CDHR1: variants seen among roughly 807,000 people sequenced by gnomAD.
The protein encoded by CDHR1 is cadherin-related family member 1.
A neutral mutation model predicts 72.1 loss-of-function variants in CDHR1; 61 were observed. The ratio of observed to expected loss-of-function variants is 0.85; its 90% confidence interval spans 0.69 to 1.05. The LOEUF (loss-of-function observed/expected upper bound fraction) is 1.05, where lower values mean the gene tolerates loss of function less well. Ranked by LOEUF, CDHR1 falls within the 50% of genes least tolerant of loss-of-function variation. CDHR1 has a pLI of 0.00. For synonymous variants in CDHR1, 470 were observed against 448.1 expected (o/e 1.05, Z -0.62); for missense variants, 1,186 against 1,115.7 (o/e 1.06, Z -0.90).
chr10:84,194,846 T>C (rs1202371963), intron 1 of CDHR1, 31 bp downstream of exon 1: 6 of 1,531,418 alleles, frequency 3.9e-6, no homozygotes, highest in Non-Finnish European at 5.2e-6. Flanking sequence ...GCTGGCCGCG[T>C]GGATGGCGAG....
At position 84,215,499 on chromosome 10, in the gene CDHR1, C is replaced by G. The variant is rs758809572; in HGVS notation, c.*878C>G. 3.9e-5 allele frequency: 38 copies of G among 966,350 alleles called. No homozygotes were observed. In the African/African-American group the frequency reaches 5.3e-4, roughly 13 times the overall value. The allele number at this position is 966,350 out of a possible 1,614,324, so 59.9% of individuals were successfully genotyped here. Reference sequence around the variant, plus strand: ...CAGGGCTGAGATGTGGTGAGACTTCCGTTTTTATCCAGCTCTTTTGCTCAC... The same window carrying G: ...CAGGGCTGAGATGTGGTGAGACTTCGGTTTTTATCCAGCTCTTTTGCTCAC... On this transcript the variant is annotated 3_prime_UTR_variant, in exon 17 of 17. Coordinates refer to ENST00000623527, the MANE Select transcript of CDHR1 (RefSeq NM_033100.4).
Position 84,204,522 on chromosome 10 carries a change from C to T in CDHR1, c.784-5C>T, listed in dbSNP as rs375409928. 2.5e-5 allele frequency: 40 copies of T among 1,609,944 alleles called. No homozygotes were observed. The African/African-American group carries it at 3.3e-4, about 13-fold the overall frequency. The stretch of plus-strand genomic sequence containing the variant: ...TCAGGCAGCGGCTGTTCCTGTTTCC[C>T]CGAGGGCTCGGAGGTACTGAAGGTG... On this transcript the variant is annotated splice_polypyrimidine_tract_variant and splice_region_variant and intron_variant, in intron 8 of 16. Coordinates refer to ENST00000623527, the MANE Select transcript of CDHR1 (RefSeq NM_033100.4).
rs968724888 is a variant in CDHR1 at position 84,197,892 on chromosome 10, G to C, written c.348+56G>C. ...GCCTGCAGTATTTGGGCCTGAGAAG[G>C]GTGAGGCTGGCACGATTCCTCCCCA... On this transcript the variant is annotated intron_variant, in intron 4 of 16. Coordinates refer to ENST00000623527, the MANE Select transcript of CDHR1 (RefSeq NM_033100.4). 9.2e-6 allele frequency: 14 copies of C among 1,525,256 alleles called. No individual in the cohort carries two copies. In the African/African-American group the frequency reaches 1.8e-4, roughly 19 times the overall value. The allele number at this position is 1,525,256 out of a possible 1,614,324, so 94.5% of individuals were successfully genotyped here. A position where few individuals can be genotyped will look rare whatever the true frequency, so the allele number is the denominator to read the frequency against.
At chr10:84,199,445 T>C (rs1260586442) in intron 5 of CDHR1, among the ~76,000 whole-genome samples, 1 of 152,254 alleles carries the variant, frequency 6.6e-6, no homozygotes, top group Non-Finnish European at 1.5e-5. Context: ...GAGTTTTGTT[T>C]TGTTTTTTTC....
Position 84,211,137 on chromosome 10 carries a change from C to A in CDHR1, c.1457C>A (p.Pro486Gln). Residue 486 changes from proline (P) to glutamine (Q), a missense_variant, in exon 13 of 17, where the codon CCA (proline) becomes CAA (glutamine). Coordinates refer to ENST00000623527, the MANE Select transcript of CDHR1 (RefSeq NM_033100.4). Reference sequence around the variant, plus strand: ...GTTGCCAGGATTCCTGAGAACGCCCCAGGGGGCTCCAGCGTGGTGGCTGTC... The same window carrying A: ...GTTGCCAGGATTCCTGAGAACGCCCAAGGGGGCTCCAGCGTGGTGGCTGTC... ...YYVARIPENA[P>Q]GGSSVVAVTA... 6.2e-7 allele frequency: 1 copy of A among 1,614,226 alleles called. No homozygotes were observed. Among genetic ancestry groups the A allele is most frequent in the Non-Finnish European group, 8.5e-7 (1 of 1,180,044 alleles).
intron 2 of CDHR1, 142 bp downstream of exon 2, chr10:84,195,731 T>C: frequency 1.3e-6 from 1 of 747,750 alleles, no homozygotes; most frequent in East Asian, 2.7e-5. Context: ...CCCTGGGCAA[T>C]GGCAGGAAAG....
intron 10 of CDHR1, among the ~76,000 whole-genome samples, chr10:84,206,974 G>T (rs987485957): frequency 6.6e-6 from 1 of 152,166 alleles, no homozygotes; most frequent in African/African-American, 2.4e-5. Context: ...TGAGGGAAAG[G>T]GATGGGAGAG....
chr10:84,194,755 G>T lies in CDHR1; in HGVS notation c.-6G>T. On this transcript the variant is annotated 5_prime_UTR_variant, in exon 1 of 17. Transcript: ENST00000623527. ...GCGGCAGGCGACACTCCGCGCCGGCGGAGACATGAGGCGCTGCCGGTGGGC... is the reference window on the plus strand; with the variant it reads ...GCGGCAGGCGACACTCCGCGCCGGCTGAGACATGAGGCGCTGCCGGTGGGC... 1 of 1,504,618 alleles carries T rather than the reference G, an allele frequency of 6.6e-7. No homozygotes were observed. Among genetic ancestry groups the T allele is most frequent in the South Asian group, 1.2e-5 (1 of 81,004 alleles). The allele number at this position is 1,504,618 out of a possible 1,614,324, so 93.2% of individuals were successfully genotyped here.
Position 84,208,841 on chromosome 10 carries a change from C to T in CDHR1, c.1280C>T (p.Ala427Val), listed in dbSNP as rs1275288486. ...GTCACAATCATTGTGGAGAACTCAGCTGCCATTGACTTTGAAAAGTCCAAA... is the reference window on the plus strand; with the variant it reads ...GTCACAATCATTGTGGAGAACTCAGTTGCCATTGACTTTGAAAAGTCCAAA... ...AQVTIIVENS[A>V]AIDFEKSKVL... Residue 427 changes from alanine to valine, a missense_variant, in exon 12 of 17, where the codon GCT becomes GTT. Coordinates refer to ENST00000623527, the MANE Select transcript of CDHR1 (RefSeq NM_033100.4). 1 of 1,614,052 alleles carries T rather than the reference C, an allele frequency of 6.2e-7. No individual in the cohort carries two copies. Among genetic ancestry groups the T allele is most frequent in the Non-Finnish European group, 8.5e-7 (1 of 1,180,018 alleles).
chr10:84,212,322 T>C lies in CDHR1; in HGVS notation c.1697T>C (p.Leu566Pro). ...AGCGTAGCTGAGGTGTTTATCACAC[T>C]GCTGGATGTCAATGACCACCCCCCT... ...KYSVAEVFIT[L>P]LDVNDHPPQF... The change falls in exon 15 of 17, where the codon CTG becomes CCG. Residue 566 changes from leucine to proline, a missense_variant. Transcript: ENST00000623527. 1 of 1,614,234 alleles carries C rather than the reference T, an allele frequency of 6.2e-7. No individual in the cohort carries two copies. Among genetic ancestry groups the C allele is most frequent in the Non-Finnish European group, 8.5e-7 (1 of 1,180,038 alleles).
Position 84,200,697 on chromosome 10 carries a change from G to A in CDHR1, c.525+10G>A, listed in dbSNP as rs748051667. The A allele has an allele frequency of 2.5e-6, 4 of 1,600,304 alleles. No individual in the cohort carries two copies. The Admixed American group carries it at 5.1e-5, about 20-fold the overall frequency. ...CACCTACTTCCTGCAGGTAAGGCAG[G>A]ACACACAGGACCTAACCTGGGGCTG... On this transcript the variant is annotated intron_variant, in intron 6 of 16. Coordinates refer to ENST00000623527, the MANE Select transcript of CDHR1 (RefSeq NM_033100.4).
chr10:84,204,462 ATTGT>A lies in CDHR1; in HGVS notation c.784-61_784-58del, dbSNP rs563402461. 2.5e-4 allele frequency: 284 copies of A among 1,119,578 alleles called. 4 individuals are homozygous for A. In the South Asian group the frequency reaches 3.0e-3, roughly 12 times the overall value. The allele number at this position is 1,119,578 out of a possible 1,614,324, so 69.4% of individuals were successfully genotyped here. ...AGCACCTCCTTTTCATCATGGAGACATTGTTTGGGGAGGGGAGGGTCCCCATATT... is the reference window on the plus strand; with the variant it reads ...AGCACCTCCTTTTCATCATGGAGACATTGGGGAGGGGAGGGTCCCCATATT... On this transcript the variant is annotated intron_variant, in intron 8 of 16. Coordinates refer to ENST00000623527, the MANE Select transcript of CDHR1 (RefSeq NM_033100.4).
rs1010230410 is a variant in CDHR1, at chr10:84,197,854, G to A, written c.348+18G>A. 1.9e-6 allele frequency: 3 copies of A among 1,611,528 alleles called. No individual in the cohort carries two copies. Among genetic ancestry groups the A allele is most frequent in the Non-Finnish European group, 2.5e-6 (3 of 1,178,086 alleles). On this transcript the variant is annotated intron_variant, in intron 4 of 16. Coordinates refer to ENST00000623527, the MANE Select transcript of CDHR1 (RefSeq NM_033100.4). ...TGAATCTGGTGAGTGCACGTCCAAG[G>A]CAGTCCCTGGCAGCCTGCAGTATTT... is the stretch of plus-strand genomic sequence containing the variant.
chr10:84,205,865 G>A lies in CDHR1; in HGVS notation c.901G>A (p.Ala301Thr), dbSNP rs1484955029. The stretch of plus-strand genomic sequence containing the variant: ...CTTTGAAATTAATGAGACATCTGGA[G>A]CCATCTCCATCACTCAGAGCCCGGC... Reference protein sequence around the residue: ...GAFEINETSGAISITQSPAQL... With the variant: ...GAFEINETSGTISITQSPAQL... The change falls in exon 10 of 17, where the codon GCC becomes ACC. Residue 301 changes from alanine (A) to threonine (T), a missense_variant. Transcript: ENST00000623527. 6.2e-7 allele frequency: 1 copy of A among 1,614,084 alleles called. No individual in the cohort carries two copies. Among genetic ancestry groups the A allele is most frequent in the Non-Finnish European group, 8.5e-7 (1 of 1,180,004 alleles).
chr10:84,219,260 C>A (rs551393405), downstream of CDHR1: 82 of 1,550,296 alleles, frequency 5.3e-5, 1 homozygote, highest in South Asian at 9.5e-4. Flanking sequence ...TTTCAAGGGG[C>A]AGCCCAAGCA....
At position 84,194,757 on chromosome 10, in the gene CDHR1, A is replaced by G; in HGVS notation, c.-4A>G. On this transcript the variant is annotated 5_prime_UTR_variant, in exon 1 of 17. Transcript: ENST00000623527. ...GGCAGGCGACACTCCGCGCCGGCGG[A>G]GACATGAGGCGCTGCCGGTGGGCCG... 1 of 1,506,736 alleles carries G rather than the reference A, an allele frequency of 6.6e-7. No individual in the cohort carries two copies. Among genetic ancestry groups the G allele is most frequent in the Admixed American group, 2.1e-5 (1 of 47,400 alleles). 93.3% of individuals were successfully genotyped at this position (1,506,736 alleles called of 1,614,324 possible). A position where few individuals can be genotyped will look rare whatever the true frequency, so the allele number is the denominator to read the frequency against.
At chr10:84,199,597 C>CT (rs1842087368) in intron 5 of CDHR1, among the ~76,000 whole-genome samples, 1 of 152,226 alleles carries the variant, frequency 6.6e-6, no homozygotes, top group African/African-American at 2.4e-5. Flanking sequence ...AGTGAACAGT[C>CT]TATCATTTAC....
chr10:84,212,366 C>G lies in CDHR1; in HGVS notation c.1741C>G (p.Gln581Glu). The change falls in exon 15 of 17, where the codon CAG becomes GAG. Residue 581 changes from glutamine (Q) to glutamate (E), a missense_variant. Coordinates refer to ENST00000623527, the MANE Select transcript of CDHR1 (RefSeq NM_033100.4). ...DHPPQFGKSV[Q>E]KKTMVLGTPV... is the part of the protein sequence containing the mutation. Reference sequence around the variant, plus strand: ...CCCCCCTCAGTTTGGAAAGAGCGTTCAGAAGAAGACGATGGTGCTAGGGAC... The same window carrying G: ...CCCCCCTCAGTTTGGAAAGAGCGTTGAGAAGAAGACGATGGTGCTAGGGAC... 6.2e-7 allele frequency: 1 copy of G among 1,614,166 alleles called. No individual in the cohort carries two copies. The highest frequency in any genetic ancestry group is 1.1e-5 in the South Asian group (1 of 91,068).
At position 84,199,260 on chromosome 10, in the gene CDHR1, T is replaced by C. The variant is rs1842081798; in HGVS notation, c.438+139T>C. ...ACCACCTGCTCCCTCCAACATTCGC[T>C]TTTATTCCAAAGGAATGTTCATTTG... On this transcript the variant is annotated intron_variant, in intron 5 of 16. Transcript: ENST00000623527. 6.9e-6 allele frequency: 5 copies of C among 728,336 alleles called. No homozygotes were observed. In the Admixed American group the frequency reaches 1.0e-4, roughly 15 times the overall value. The allele number at this position is 728,336 out of a possible 1,614,324, so 45.1% of individuals were successfully genotyped here.
Sources: gnomAD v4.1 joint callset for allele counts (sites outside exome capture counted in the v4.1 genomes callset) on GRCh38, gnomAD v4.1.1 for gene constraint, MANE v1.5 for transcripts, NCBI Gene and HGNC (gene_info 2026-07-23, HGNC 2026-07-21) for gene names.